Variants in KSR2 observed in about 807,000 individuals in gnomAD.
The protein encoded by KSR2 is kinase suppressor of ras 2.
A neutral mutation model predicts 107.8 loss-of-function variants in KSR2; 25 were observed. The observed-to-expected ratio is 0.23, with a 90% CI of 0.17 to 0.32. The LOEUF (loss-of-function observed/expected upper bound fraction) is 0.32, where lower values mean the gene tolerates loss of function less well. KSR2 is among the 10% of genes least tolerant of loss of function. The probability of loss-of-function intolerance (pLI) is 1.00; values close to 1 mark genes in which losing one functional copy is unlikely to be tolerated. For missense variants in KSR2, 887 were observed against 1,268.9 expected (o/e 0.70, Z 4.57); for synonymous variants, 480 against 507.0 (o/e 0.95, Z 0.71).
At chr12:117,527,253 G>C in intron 12 of KSR2, 134 bp from the exon 13 acceptor site, 2 of 629,138 alleles carry the variant, frequency 3.2e-6, no homozygotes, top group Middle Eastern at 5.3e-4. Flanking sequence ...CATTTCAACA[G>C]GTGTGTCTGA....
chr12:117,693,471 C>T (rs1465665509), intron 4 of KSR2, among the ~76,000 whole-genome samples: 1 of 152,178 alleles, frequency 6.6e-6, no homozygotes, highest in East Asian at 1.9e-4. Context: ...TACACATCCT[C>T]CTCCCCCACA....
At chr12:117,945,921 A>G (rs1896166818) in intron 1 of KSR2, among the ~76,000 whole-genome samples, 2 of 152,214 alleles carry the variant, frequency 1.3e-5, no homozygotes, top group Non-Finnish European at 2.9e-5. Context: ...AGTAAGAAAA[A>G]TAGAATAAAA....
chr12:117,649,434 T>C (rs1252037796), intron 5 of KSR2, among the ~76,000 whole-genome samples: 1 of 152,194 alleles, frequency 6.6e-6, no homozygotes, highest in Non-Finnish European at 1.5e-5. Flanking sequence ...CTGACCTAAA[T>C]CCAAACACCA....
intron 14 of KSR2, among the ~76,000 whole-genome samples, chr12:117,515,286 A>C (rs772392552): frequency 3.3e-5 from 5 of 152,182 alleles, no homozygotes; most frequent in Admixed American, 6.5e-5. Flanking sequence ...CACATCCTAT[A>C]GTCATCCCTC....
intron 14 of KSR2, among the ~76,000 whole-genome samples, chr12:117,498,049 T>C (rs892120074): frequency 6.6e-6 from 1 of 152,166 alleles, no homozygotes; most frequent in Non-Finnish European, 1.5e-5. Flanking sequence ...GAGACATGAT[T>C]TACAAATGAA....
At chr12:117,943,281 G>A (rs1896066286) in intron 1 of KSR2, among the ~76,000 whole-genome samples, 1 of 151,938 alleles carries the variant, frequency 6.6e-6, no homozygotes, top group African/African-American at 2.4e-5. Context: ...TCTGAAATTA[G>A]TATGAACAAT....
intron 1 of KSR2, among the ~76,000 whole-genome samples, chr12:117,937,937 C>T (rs1186648545): frequency 2.0e-5 from 3 of 149,246 alleles, no homozygotes; most frequent in Non-Finnish European, 4.4e-5. Context: ...CCACTGCACT[C>T]CAGCCTGAGC....
intron 1 of KSR2, among the ~76,000 whole-genome samples, chr12:117,957,935 G>A (rs1055716571): frequency 8.6e-5 from 13 of 151,326 alleles, no homozygotes; most frequent in East Asian, 3.9e-4. Context: ...GGGTTCAAGC[G>A]ATTCTCCTGC....
At chr12:117,944,864 T>A (rs1016212150) in intron 1 of KSR2, among the ~76,000 whole-genome samples, 2 of 151,414 alleles carry the variant, frequency 1.3e-5, no homozygotes, top group African/African-American at 4.8e-5. Flanking sequence ...TTTCAAAAAA[T>A]AAATAAATAA....
intron 3 of KSR2, among the ~76,000 whole-genome samples, chr12:117,827,752 G>A (rs993124921): frequency 1.8e-4 from 28 of 152,134 alleles, no homozygotes; most frequent in African/African-American, 5.6e-4. Context: ...AATTCTATGA[G>A]GTTTAGACTC....
intron 17 of KSR2, 48 bp from the exon 18 acceptor site, chr12:117,471,368 C>T (rs201073841): frequency 1.3e-6 from 2 of 1,586,694 alleles, no homozygotes; most frequent in Non-Finnish European, 1.7e-6. Flanking sequence ...GTGTCACTTG[C>T]AACCTTGTAC....
chr12:117,934,353 C>T (rs1895779039), intron 1 of KSR2, among the ~76,000 whole-genome samples: 1 of 152,080 alleles, frequency 6.6e-6, no homozygotes, highest in South Asian at 2.1e-4. Context: ...GAATAGGATA[C>T]CCCAGAAATT....
intron 5 of KSR2, among the ~76,000 whole-genome samples, chr12:117,586,522 G>A (rs146947505): frequency 0.014 from 2,044 of 150,998 alleles, 19 homozygotes; most frequent in Non-Finnish European, 0.019. Flanking sequence ...GGGAGGCAGA[G>A]GTTGCAGTGA....
chr12:117,909,270 C>G (rs1400054720), intron 1 of KSR2, among the ~76,000 whole-genome samples: 2 of 152,176 alleles, frequency 1.3e-5, no homozygotes, highest in Non-Finnish European at 2.9e-5. Context: ...CACTTCACTA[C>G]CCCACTGTTG....
intron 3 of KSR2, among the ~76,000 whole-genome samples, chr12:117,818,846 G>A (rs1314968026): frequency 6.6e-6 from 1 of 152,146 alleles, no homozygotes; most frequent in African/African-American, 2.4e-5. Flanking sequence ...CCTGCCCAAT[G>A]GAGACGTGGC....
chr12:117,926,145 C>A (rs1226370827), intron 1 of KSR2, among the ~76,000 whole-genome samples: 2 of 152,060 alleles, frequency 1.3e-5, no homozygotes, highest in South Asian at 4.1e-4. Context: ...TGCACTGAGC[C>A]GAGTTCACGC....
chr12:117,623,747 T>C lies in KSR2; in HGVS notation c.1172-41388A>G, dbSNP rs572171204. Among the ~76,000 whole-genome samples the C allele has an allele frequency of 2.3e-3, 343 of 152,380 alleles. 1 individual carries two copies. Among genetic ancestry groups the C allele is most frequent in the African/African-American group, 7.8e-3 (326 of 41,596 alleles). ...TATAATCCTTTGGGTATATACCCAGTAATGGGATTGCTGGGTCAAATGGTA... is the reference window on the plus strand; with the variant it reads ...TATAATCCTTTGGGTATATACCCAGCAATGGGATTGCTGGGTCAAATGGTA... On this transcript the variant is annotated intron_variant, in intron 5 of 19. Transcript: ENST00000339824.
chr12:117,948,971 G>A (rs1323609257), intron 1 of KSR2, among the ~76,000 whole-genome samples: 2 of 152,102 alleles, frequency 1.3e-5, no homozygotes, highest in African/African-American at 4.8e-5. Context: ...GCGGGTGCCT[G>A]TAATCCCAGC....
intron 13 of KSR2, 35 bp downstream of exon 13, chr12:117,527,027 GGCAGTCCCT>G (rs780825501): frequency 6.3e-7 from 1 of 1,580,408 alleles, no homozygotes; most frequent in Non-Finnish European, 8.7e-7. Flanking sequence ...CCAAGTTCTG[GGCAGTCCCT>G]GGAAAATGTC....
Sources: allele counts gnomAD v4.1 joint callset (sites outside exome capture counted in the v4.1 genomes callset), GRCh38; gene constraint gnomAD v4.1.1; transcripts MANE v1.5; gene names NCBI Gene and HGNC (gene_info 2026-07-23, HGNC 2026-07-21).